Variants in MKKS observed in about 807,000 individuals in gnomAD.
MKKS encodes the protein molecular chaperone MKKS.
Under a neutral mutation model 33.2 loss-of-function variants are expected in MKKS, and 29 were observed. The observed-to-expected ratio is 0.87, with a 90% CI of 0.65 to 1.19. The LOEUF (loss-of-function observed/expected upper bound fraction) is 1.19. Ranked by LOEUF, MKKS falls within the 50% of genes most tolerant of loss-of-function variation. MKKS has a pLI of 0.00. For synonymous variants in MKKS, 260 were observed against 244.0 expected (o/e 1.07, Z -0.61); for missense variants, 661 against 662.3 (o/e 1.00, Z 0.02).
intron 3 of MKKS, among the ~76,000 whole-genome samples, chr20:10,411,152 A>AT (rs113051780): frequency 0.14 from 20,538 of 151,172 alleles, 1,528 homozygotes; most frequent in East Asian, 0.24. Context: ...TGCCCAGCTA[A>AT]TTTTTTTGTA....
chr20:10,412,416 C>T (rs2064895628), intron 3 of MKKS, 114 bp downstream of exon 3: 4 of 1,025,864 alleles, frequency 3.9e-6, no homozygotes, highest in South Asian at 1.3e-5. Context: ...ATGATACTGA[C>T]ACATGCTGGG....
intron 1 of MKKS, among the ~76,000 whole-genome samples, chr20:10,433,070 C>A (rs1333060298): frequency 3.9e-5 from 6 of 152,214 alleles, no homozygotes; most frequent in South Asian, 2.1e-4. Flanking sequence ...GTGGCGTGAT[C>A]TCCGCTCACC....
rs1197124165 is a variant in MKKS at position 10,413,767 on chromosome 20, A to G, written c.-253T>C. 3.4e-6 allele frequency: 2 copies of G among 588,618 alleles called. No homozygotes were observed. The highest frequency in any genetic ancestry group is 3.7e-5 in the African/African-American group (2 of 53,708). 36.5% of individuals were successfully genotyped at this position (588,618 alleles called of 1,614,324 possible). On this transcript the variant is annotated 5_prime_UTR_variant, in exon 3 of 6. Transcript: ENST00000347364. ...TCAATACTCTTTTGTTTGCTTTGAG[A>G]CTGAAATTTTACAGACTGCTTTGCA...
intron 2 of MKKS, among the ~76,000 whole-genome samples, chr20:10,416,076 G>C (rs6133920): frequency 6.6e-6 from 1 of 152,146 alleles, no homozygotes; most frequent in Non-Finnish European, 1.5e-5. Flanking sequence ...TCCTAAACAA[G>C]GTGCTCCATA....
At chr20:10,410,628 AAAAC>A (rs139362659) in intron 3 of MKKS, among the ~76,000 whole-genome samples, 2,042 of 152,266 alleles carry the variant, frequency 0.013, 37 homozygotes, top group African/African-American at 0.045. Flanking sequence ...ACTCCACCTT[AAAAC>A]AAACAAAAAC....
chr20:10,405,799 C>A lies in MKKS; in HGVS notation c.1273-112G>T, dbSNP rs2064839501. The A allele has an allele frequency of 2.7e-6, 3 of 1,093,026 alleles. No individual in the cohort carries two copies. The East Asian group carries it at 7.7e-5, about 28-fold the overall frequency. 67.7% of individuals were successfully genotyped at this position (1,093,026 alleles called of 1,614,324 possible). A position where few individuals can be genotyped will look rare whatever the true frequency, so the allele number is the denominator to read the frequency against. On this transcript the variant is annotated intron_variant, in intron 5 of 5. Coordinates refer to ENST00000347364, the MANE Select transcript of MKKS (RefSeq NM_170784.3). The stretch of plus-strand genomic sequence containing the variant: ...TATTCCTAAAGTAATTACTTACTTT[C>A]ATTTAATTTGGGGTCTGGCACAATG...
rs944272854 is a variant in MKKS, at chr20:10,404,588, A to G, written c.*659T>C. 2 of 152,068 alleles carry G rather than the reference A, an allele frequency of 1.3e-5. No homozygotes were observed. Among genetic ancestry groups the G allele is most frequent in the Non-Finnish European group, 2.9e-5 (2 of 68,016 alleles). The allele number at this position is 152,068 out of a possible 1,614,324, so 9.4% of individuals were successfully genotyped here. A position where few individuals can be genotyped will look rare whatever the true frequency, so the allele number is the denominator to read the frequency against. On this transcript the variant is annotated 3_prime_UTR_variant, in exon 6 of 6. Coordinates refer to ENST00000347364, the MANE Select transcript of MKKS (RefSeq NM_170784.3). ...CCACTTTAAAAATGAAGACATTACA[A>G]TGTTGCTTTAGCCTTGGTTACTATA... is the stretch of plus-strand genomic sequence containing the variant.
Position 10,408,628 on chromosome 20 carries a change from C to T in MKKS, c.1161G>A (p.Lys387=), listed in dbSNP as rs1210805163. 2 of 1,613,836 alleles carry T rather than the reference C, an allele frequency of 1.2e-6. No homozygotes were observed. The highest frequency in any genetic ancestry group is 1.3e-5 in the African/African-American group (1 of 74,926). The stretch of plus-strand genomic sequence containing the variant: ...ATGGAATTCAAAGTTCATTACCTAC[C>T]TTCAGCTCATCCCAGGCAGTGTCAT... ...NRNDTAWDEL[K]LTCQTALHVL... is the part of the protein sequence containing the mutation. Residue 387 remains lysine, a splice_region_variant and synonymous_variant, in exon 4 of 6, where the codon AAG becomes AAA. Transcript: ENST00000347364.
chr20:10,417,689 A>G (rs1057192995), intron 2 of MKKS, among the ~76,000 whole-genome samples: 1 of 151,994 alleles, frequency 6.6e-6, no homozygotes, highest in African/African-American at 2.4e-5. Flanking sequence ...AAAAATCAAC[A>G]TCATCATCAA....
At position 10,412,699 on chromosome 20, in the gene MKKS, G is replaced by A. The variant is rs544437306; in HGVS notation, c.816C>T (p.Val272=). ...TTCCTAGGTTAAGCAGCTGGTCCAA[G>A]ACTGCATTTTCAAGAGAAACCCCAT... ...VSYGVSLENA[V]LDQLLNLGRQ... The change falls in exon 3 of 6, where the codon GTC becomes GTT. Residue 272 remains valine, a synonymous_variant. Coordinates refer to ENST00000347364, the MANE Select transcript of MKKS (RefSeq NM_170784.3). 1 of 1,614,168 alleles carries A rather than the reference G, an allele frequency of 6.2e-7. No homozygotes were observed. The highest frequency in any genetic ancestry group is 1.1e-5 in the South Asian group (1 of 91,082).
chr20:10,404,957 A>G lies in MKKS; in HGVS notation c.*290T>C, dbSNP rs760176936. The G allele has an allele frequency of 4.1e-5, 9 of 217,038 alleles. No individual in the cohort carries two copies. The highest frequency in any genetic ancestry group is 6.4e-5 in the Non-Finnish European group (7 of 109,454). 13.4% of individuals were successfully genotyped at this position (217,038 alleles called of 1,614,324 possible). On this transcript the variant is annotated 3_prime_UTR_variant, in exon 6 of 6. Coordinates refer to ENST00000347364, the MANE Select transcript of MKKS (RefSeq NM_170784.3). ...AGTCTTTTTTATTTGTTTGCTCTCA[A>G]AATGATGCCAACATAACAAAAATTT...
At position 10,413,717 on chromosome 20, in the gene MKKS, C is replaced by A; in HGVS notation, c.-203G>T. On this transcript the variant is annotated 5_prime_UTR_variant, in exon 3 of 6. Transcript: ENST00000347364. The stretch of plus-strand genomic sequence containing the variant: ...ATGATTTAATGACAAATTAGTAATT[C>A]CAAATATTTATTTTACTTCACTCTT... 1 of 619,528 alleles carries A rather than the reference C, an allele frequency of 1.6e-6. No homozygotes were observed. The highest frequency in any genetic ancestry group is 2.0e-5 in the South Asian group (1 of 48,980). The allele number at this position is 619,528 out of a possible 1,614,324, so 38.4% of individuals were successfully genotyped here.
intron 2 of MKKS, among the ~76,000 whole-genome samples, chr20:10,415,690 AC>A (rs542468115): frequency 1.2e-3 from 190 of 152,366 alleles, no homozygotes; most frequent in African/African-American, 3.6e-3. Flanking sequence ...GTTAAAACTT[AC>A]ATACACACCC....
chr20:10,408,576 G>C, intron 4 of MKKS, 52 bp downstream of exon 4: 2 of 1,568,622 alleles, frequency 1.3e-6, no homozygotes, highest in East Asian at 4.5e-5. Context: ...ACTATTGAGT[G>C]ACTAATTCCT....
At chr20:10,408,353 G>C (rs2064857601) in intron 4 of MKKS, among the ~76,000 whole-genome samples, 1 of 152,122 alleles carries the variant, frequency 6.6e-6, no homozygotes, top group African/African-American at 2.4e-5. Context: ...TACCATCAAA[G>C]ACTACACAAT....
intron 3 of MKKS, 67 bp downstream of exon 3, chr20:10,412,463 A>G: frequency 6.4e-7 from 1 of 1,550,478 alleles, no homozygotes; most frequent in South Asian, 1.1e-5. Flanking sequence ...CACAAACCAA[A>G]AATATCTCTG....
At chr20:10,418,813 A>T (rs1367940454) in intron 2 of MKKS, among the ~76,000 whole-genome samples, 3 of 152,110 alleles carry the variant, frequency 2.0e-5, no homozygotes, top group African/African-American at 7.2e-5. Context: ...CATACATAAT[A>T]TAATGGTCTT....
chr20:10,432,394 C>T (rs2065059374), intron 1 of MKKS, among the ~76,000 whole-genome samples: 1 of 152,202 alleles, frequency 6.6e-6, no homozygotes, highest in African/African-American at 2.4e-5. Context: ...AATCTAGAAA[C>T]ATCTTGCTCA....
rs58776463 is a variant in MKKS at position 10,409,977 on chromosome 20, C to CAA, written c.986-1176_986-1175dup. 8.1e-3 allele frequency among the ~76,000 whole-genome samples: 441 copies of CAA among 54,226 alleles called. 41 individuals are homozygous for CAA. Among genetic ancestry groups the CAA allele is most frequent in the African/African-American group, 0.025 (311 of 12,420 alleles). The allele number at this position is 54,226 out of a possible 152,430, so 35.6% of individuals were successfully genotyped here. On this transcript the variant is annotated intron_variant, in intron 3 of 5. Coordinates refer to ENST00000347364, the MANE Select transcript of MKKS (RefSeq NM_170784.3). ...TGGGCAACAGAGCGAGACTTTGTCT[C>CAA]AAAAAAAAAAAAAAAAAAAAAAAAA...
Sources: gnomAD v4.1 joint callset for allele counts (sites outside exome capture counted in the v4.1 genomes callset) on GRCh38, gnomAD v4.1.1 for gene constraint, MANE v1.5 for transcripts, NCBI Gene and HGNC (gene_info 2026-07-23, HGNC 2026-07-21) for gene names.